SELENOK: variants seen among roughly 807,000 people sequenced by gnomAD.
SELENOK encodes selenoprotein K.
A neutral mutation model predicts 17.3 loss-of-function variants in SELENOK; 11 were observed. That is an observed-to-expected ratio of 0.63 (90% CI 0.40 to 1.05). The LOEUF (loss-of-function observed/expected upper bound fraction) is 1.05, where lower values mean the gene tolerates loss of function less well. Ranked by LOEUF, SELENOK falls within the 50% of genes least tolerant of loss-of-function variation. The probability of loss-of-function intolerance (pLI) is 0.00; values close to 1 mark genes in which losing one functional copy is unlikely to be tolerated. For missense variants in SELENOK, 125 were observed against 113.9 expected (o/e 1.10, Z -0.44); for synonymous variants, 45 against 35.4 (o/e 1.27, Z -0.97).
At chr3:53,888,648 C>T (rs569280980) in intron 1 of SELENOK, among the ~76,000 whole-genome samples, 165 bp from the exon 2 acceptor site, 2 of 152,296 alleles carry the variant, frequency 1.3e-5, no homozygotes, top group South Asian at 4.2e-4. Context: ...AGGAAAGGTT[C>T]GGAGAAGTAA....
At chr3:53,885,795 T>A (rs778836638) in intron 4 of SELENOK, 31 bp downstream of exon 4, 2 of 1,532,456 alleles carry the variant, frequency 1.3e-6, no homozygotes, top group South Asian at 2.4e-5. Flanking sequence ...CAAAACAAAA[T>A]CCTACAAAAG....
chr3:53,885,695 T>C (rs1252114249), intron 4 of SELENOK, 131 bp downstream of exon 4: 4 of 1,225,036 alleles, frequency 3.3e-6, no homozygotes, highest in African/African-American at 1.5e-5. Flanking sequence ...TTTCAAGGGT[T>C]AAGATAACAA....
chr3:53,885,794 A>C, intron 4 of SELENOK, 32 bp downstream of exon 4: 2 of 1,530,976 alleles, frequency 1.3e-6, no homozygotes, highest in Non-Finnish European at 1.8e-6. Context: ...TCAAAACAAA[A>C]TCCTACAAAA....
At chr3:53,886,133 T>C (rs1015347684) in intron 3 of SELENOK, among the ~76,000 whole-genome samples, 2 of 152,218 alleles carry the variant, frequency 1.3e-5, no homozygotes, top group Non-Finnish European at 2.9e-5. Context: ...GAAAGGACTG[T>C]GATGAACTGA....
intron 1 of SELENOK, 62 bp from the exon 2 acceptor site, chr3:53,888,545 A>G (rs1700143247): frequency 9.1e-7 from 1 of 1,101,304 alleles, no homozygotes. Context: ...AAGAGGCATC[A>G]CATTTAATTA....
intron 2 of SELENOK, 143 bp downstream of exon 2, chr3:53,888,250 T>C: frequency 3.3e-6 from 2 of 604,620 alleles, no homozygotes; most frequent in Non-Finnish European, 5.9e-6. Flanking sequence ...TAACATCTAT[T>C]TCCCTGTGTA....
chr3:53,890,430 A>C (rs191807156), intron 1 of SELENOK, among the ~76,000 whole-genome samples: 1 of 152,234 alleles, frequency 6.6e-6, no homozygotes, highest in Non-Finnish European at 1.5e-5. Flanking sequence ...CTTAAGGCAG[A>C]ATGTCCCTTC....
At chr3:53,891,640 C>G in intron 1 of SELENOK, 130 bp downstream of exon 1, 1 of 1,268,314 alleles carries the variant, frequency 7.9e-7, no homozygotes, top group South Asian at 1.3e-5. Flanking sequence ...CGGTCCAGCT[C>G]CGCCCGGCCG....
Position 53,886,851 on chromosome 3 carries a change from C to A in SELENOK, c.194G>T (p.Gly65Val), listed in dbSNP as rs769065611. 59 of 1,542,906 alleles carry A rather than the reference C, an allele frequency of 3.8e-5. No homozygotes were observed. Among genetic ancestry groups the A allele is most frequent in the Non-Finnish European group, 5.2e-5 (59 of 1,139,162 alleles). Reference protein sequence around the residue: ...SSDSRYDDGRGPPGNPPRRMG... With the variant: ...SSDSRYDDGRVPPGNPPRRMG... ...CTATTATCAATTTAAAAAGCTGTACCCTCTTCCATCATCATATCTGGAATC... is the reference window on the plus strand; with the variant it reads ...CTATTATCAATTTAAAAAGCTGTACACTCTTCCATCATCATATCTGGAATC... The change falls in exon 3 of 5, where the codon GGG becomes GTG. Residue 65 changes from glycine (G) to valine (V), a missense_variant and splice_region_variant. Gly to Val is a moderately radical substitution (Grantham distance 109). Transcript: ENST00000495461.
chr3:53,891,137 C>G (rs1448179783), intron 1 of SELENOK: 1 of 152,234 alleles, frequency 6.6e-6, no homozygotes, highest in East Asian at 1.9e-4. Context: ...GCTACCCTTT[C>G]CTGGGGAAAA....
chr3:53,886,786 C>A, intron 3 of SELENOK, 65 bp downstream of exon 3: 1 of 986,246 alleles, frequency 1.0e-6, no homozygotes, highest in Non-Finnish European at 1.4e-6. Flanking sequence ...CTCTATCTAC[C>A]TAAAATATCT....
intron 1 of SELENOK, among the ~76,000 whole-genome samples, 160 bp from the exon 2 acceptor site, chr3:53,888,643 A>T (rs1237717477): frequency 6.6e-6 from 1 of 152,234 alleles, no homozygotes; most frequent in Non-Finnish European, 1.5e-5. Flanking sequence ...TTCCAAGGAA[A>T]GGTTCGGAGA....
In SELENOK at chr3:53,891,812, A is replaced by T; in HGVS notation, c.-24T>A. ...ATCTTGTCCCACTTCCCCGCTTCGG[A>T]GCCACCGGGCGCCTGGCCCCTGTCG... On this transcript the variant is annotated 5_prime_UTR_variant, in exon 1 of 5. Coordinates refer to ENST00000495461, the MANE Select transcript of SELENOK (RefSeq NM_021237.5). 1 of 1,613,856 alleles carries T rather than the reference A, an allele frequency of 6.2e-7. No individual in the cohort carries two copies. Among genetic ancestry groups the T allele is most frequent in the Non-Finnish European group, 8.5e-7 (1 of 1,179,750 alleles).
rs765400337 is a variant in SELENOK at position 53,891,805 on chromosome 3, G to A, written c.-17C>T. 17 of 1,613,766 alleles carry A rather than the reference G, an allele frequency of 1.1e-5. No individual in the cohort carries two copies. In the East Asian group the frequency reaches 3.8e-4, roughly 36 times the overall value. On this transcript the variant is annotated 5_prime_UTR_variant, in exon 1 of 5. Transcript: ENST00000495461. ...GTAAACCATCTTGTCCCACTTCCCC[G>A]CTTCGGAGCCACCGGGCGCCTGGCC...
At chr3:53,886,242 A>G (rs1255052979) in intron 3 of SELENOK, among the ~76,000 whole-genome samples, 1 of 151,996 alleles carries the variant, frequency 6.6e-6, no homozygotes, top group Non-Finnish European at 1.5e-5. Context: ...CTTGATCTTT[A>G]CGGCTTTTTT....
chr3:53,888,344 T>C (rs2107090232), intron 2 of SELENOK, 49 bp downstream of exon 2: 1 of 1,167,678 alleles, frequency 8.6e-7, no homozygotes, highest in Non-Finnish European at 1.3e-6. Flanking sequence ...ACATGATGTA[T>C]ACCTGTCAAC....
rs1432200052 is a variant in SELENOK, at chr3:53,885,522, G to A, written c.*36C>T. The A allele has an allele frequency of 6.2e-7, 1 of 1,602,638 alleles. No homozygotes were observed. The highest frequency in any genetic ancestry group is 8.5e-7 in the Non-Finnish European group (1 of 1,174,122). ...TTGATGGTTTCCTTCTGCTATGAATGCGCATGTCCGGTTGTCTGCTTCTTA... is the reference window on the plus strand; with the variant it reads ...TTGATGGTTTCCTTCTGCTATGAATACGCATGTCCGGTTGTCTGCTTCTTA... On this transcript the variant is annotated 3_prime_UTR_variant, in exon 5 of 5. Transcript: ENST00000495461.
rs774923314 is a variant in SELENOK, at chr3:53,888,466, G to A, written c.37C>T (p.Arg13Trp). ...YISNGQVLDS[R>W]SQSPWRLSLI... is the part of the protein sequence containing the mutation. ...GATAATCTCCATGGAGACTGACTCC[G>A]GCTGTCCAACACTTGTCCTACAGAT... The change falls in exon 2 of 5, where the codon CGG (arginine) becomes TGG (tryptophan). Residue 13 changes from arginine to tryptophan, a missense_variant. Transcript: ENST00000495461. 48 of 1,610,520 alleles carry A rather than the reference G, an allele frequency of 3.0e-5. No homozygotes were observed. Among genetic ancestry groups the A allele is most frequent in the Admixed American group, 1.8e-4 (11 of 59,940 alleles).
intron 1 of SELENOK, among the ~76,000 whole-genome samples, chr3:53,888,766 T>C (rs1350858460): frequency 1.3e-5 from 2 of 152,156 alleles, no homozygotes; most frequent in Non-Finnish European, 2.9e-5. Flanking sequence ...TCTATAAATA[T>C]ATAACAAAGG....
Sources: gnomAD v4.1 joint callset for allele counts (sites outside exome capture counted in the v4.1 genomes callset) on GRCh38, gnomAD v4.1.1 for gene constraint, MANE v1.5 for transcripts, NCBI Gene and HGNC (gene_info 2026-07-23, HGNC 2026-07-21) for gene names.